The following LRRC28 variants were observed in gnomAD, a reference collection of about 807,000 sequenced individuals.
LRRC28 encodes leucine-rich repeat-containing protein 28.
Under a neutral mutation model 45.7 loss-of-function variants are expected in LRRC28, and 39 were observed. That is an observed-to-expected ratio of 0.85 (90% CI 0.66 to 1.12). The LOEUF (loss-of-function observed/expected upper bound fraction) is 1.12, where lower values mean the gene tolerates loss of function less well. Among genes scored for constraint, LRRC28 ranks in the 50% most tolerant of loss-of-function variants. The pLI, the probability that LRRC28 is intolerant of heterozygous loss-of-function variation, is 0.00. For missense variants in LRRC28, 435 were observed against 438.5 expected (o/e 0.99, Z 0.07); for synonymous variants, 206 against 178.8 (o/e 1.15, Z -1.22).
intron 3 of LRRC28, among the ~76,000 whole-genome samples, chr15:99,280,343 G>A (rs2081748055): frequency 6.6e-6 from 1 of 151,914 alleles, no homozygotes; most frequent in African/African-American, 2.4e-5. Flanking sequence ...TCATGCTTTT[G>A]ATGGCAAGTC....
At chr15:99,292,661 G>A (rs561987155) in intron 5 of LRRC28, among the ~76,000 whole-genome samples, 5 of 152,322 alleles carry the variant, frequency 3.3e-5, no homozygotes, top group African/African-American at 1.2e-4. Flanking sequence ...ACCGCGCCCA[G>A]CCTCGTACAG....
At chr15:99,262,301 G>T (rs2081220027) in intron 2 of LRRC28, among the ~76,000 whole-genome samples, 1 of 152,078 alleles carries the variant, frequency 6.6e-6, no homozygotes, top group Admixed American at 6.6e-5. Context: ...ATACTTTTAG[G>T]CCAGGCATGG....
At chr15:99,298,749 C>T (rs1160097298) in intron 5 of LRRC28, among the ~76,000 whole-genome samples, 3 of 152,186 alleles carry the variant, frequency 2.0e-5, no homozygotes, top group Non-Finnish European at 2.9e-5. Flanking sequence ...CGCTCTGTTG[C>T]GCAGGCTGGA....
intron 6 of LRRC28, among the ~76,000 whole-genome samples, chr15:99,349,741 C>T (rs1177251691): frequency 1.3e-5 from 2 of 152,066 alleles, no homozygotes; most frequent in East Asian, 1.9e-4. Flanking sequence ...GGATGAAATA[C>T]CAAAAACCGG....
intron 2 of LRRC28, among the ~76,000 whole-genome samples, chr15:99,271,666 A>G (rs1443918332): frequency 6.6e-5 from 10 of 150,478 alleles, no homozygotes; most frequent in Non-Finnish European, 1.5e-4. Flanking sequence ...GCGTGATCTC[A>G]GCTCACTGCA....
intron 6 of LRRC28, among the ~76,000 whole-genome samples, chr15:99,339,222 T>C (rs959639765): frequency 3.3e-5 from 5 of 152,194 alleles, no homozygotes; most frequent in African/African-American, 4.8e-5. Context: ...AGTCCAATTA[T>C]CCAGGCGTGT....
intron 5 of LRRC28, among the ~76,000 whole-genome samples, chr15:99,318,810 T>A (rs1191510489): frequency 2.0e-5 from 3 of 152,100 alleles, no homozygotes; most frequent in African/African-American, 4.8e-5. Context: ...AGATTTTTTT[T>A]AAACTAGATA....
chr15:99,278,291 C>T (rs2152181060), intron 3 of LRRC28, among the ~76,000 whole-genome samples: 1 of 152,324 alleles, frequency 6.6e-6, no homozygotes, highest in African/African-American at 2.4e-5. Flanking sequence ...TCTTGTCACC[C>T]AGGCTGGAGT....
At chr15:99,352,196 G>T (rs1567688449) in intron 6 of LRRC28, among the ~76,000 whole-genome samples, 173 bp from the exon 7 acceptor site, 1 of 152,162 alleles carries the variant, frequency 6.6e-6, no homozygotes, top group Non-Finnish European at 1.5e-5. Context: ...GTATCAAGGG[G>T]CAGAACTAGG....
chr15:99,258,975 A>G (rs2081111040), intron 2 of LRRC28: 1 of 754,278 alleles, frequency 1.3e-6, no homozygotes, highest in Non-Finnish European at 2.5e-6. Flanking sequence ...CTTCAGCAAC[A>G]TAAACTGCTT....
At chr15:99,368,285 A>G (rs1425251589) in intron 9 of LRRC28, among the ~76,000 whole-genome samples, 1 of 152,204 alleles carries the variant, frequency 6.6e-6, no homozygotes, top group Non-Finnish European at 1.5e-5. Context: ...CTATGAAACC[A>G]GATAACAATT....
At chr15:99,337,667 G>C (rs1252380890) in intron 6 of LRRC28, among the ~76,000 whole-genome samples, 2 of 152,216 alleles carry the variant, frequency 1.3e-5, no homozygotes, top group Non-Finnish European at 2.9e-5. Flanking sequence ...GAACTTTAGA[G>C]GCAAGAGGGT....
At chr15:99,306,755 C>G (rs1296169566) in intron 5 of LRRC28, among the ~76,000 whole-genome samples, 1 of 152,178 alleles carries the variant, frequency 6.6e-6, no homozygotes, top group Non-Finnish European at 1.5e-5. Flanking sequence ...ACCTTGGTGC[C>G]TATTGTCTGT....
chr15:99,349,179 C>A (rs1956792425), intron 6 of LRRC28, among the ~76,000 whole-genome samples: 1 of 151,882 alleles, frequency 6.6e-6, no homozygotes, highest in Admixed American at 6.6e-5. Context: ...TTTGTGAAAT[C>A]TTTGGGGTTT....
At chr15:99,257,042 A>G (rs542770153) in intron 2 of LRRC28, among the ~76,000 whole-genome samples, 2 of 152,300 alleles carry the variant, frequency 1.3e-5, no homozygotes, top group African/African-American at 4.8e-5. Context: ...TGGAAATTGT[A>G]TCTTATTGGC....
At chr15:99,272,382 A>T (rs1392714000) in intron 2 of LRRC28, among the ~76,000 whole-genome samples, 3 of 152,130 alleles carry the variant, frequency 2.0e-5, no homozygotes, top group Non-Finnish European at 4.4e-5. Context: ...GCTTAATTTC[A>T]CTGACCAAGC....
chr15:99,347,082 C>G (rs1290368641), intron 6 of LRRC28, among the ~76,000 whole-genome samples: 1 of 152,190 alleles, frequency 6.6e-6, no homozygotes, highest in African/African-American at 2.4e-5. Context: ...AGTTTATTAA[C>G]CATAGTCTTC....
At chr15:99,298,983 A>T (rs2152238845) in intron 5 of LRRC28, among the ~76,000 whole-genome samples, 1 of 152,334 alleles carries the variant, frequency 6.6e-6, no homozygotes, top group Non-Finnish European at 1.5e-5. Context: ...TGCTGGGATT[A>T]CAGGTGTGAG....
chr15:99,320,600 G>A (rs1955762484), intron 5 of LRRC28: 1 of 152,132 alleles, frequency 6.6e-6, no homozygotes, highest in Non-Finnish European at 1.5e-5. Flanking sequence ...TAAGCATGCA[G>A]CTATAATGGA....
Sources: gnomAD v4.1 joint callset for allele counts (sites outside exome capture counted in the v4.1 genomes callset) on GRCh38, gnomAD v4.1.1 for gene constraint, MANE v1.5 for transcripts, NCBI Gene and HGNC (gene_info 2026-07-23, HGNC 2026-07-21) for gene names.